Variants in NOS1AP observed in about 807,000 individuals in gnomAD.
The protein encoded by NOS1AP is nitric oxide synthase 1 adaptor protein, also known as carboxyl-terminal PDZ ligand of neuronal nitric oxide synthase protein.
Under a neutral mutation model 56.2 loss-of-function variants are expected in NOS1AP, and 21 were observed. The ratio of observed to expected loss-of-function variants is 0.37; its 90% confidence interval spans 0.26 to 0.54. The LOEUF (loss-of-function observed/expected upper bound fraction) is 0.54. Ranked by LOEUF, NOS1AP falls within the 20% of genes least tolerant of loss-of-function variation. The pLI is 0.84. For missense variants in NOS1AP, 522 were observed against 657.8 expected (o/e 0.79, Z 2.26); for synonymous variants, 270 against 274.6 (o/e 0.98, Z 0.17).
chr1:162,365,626 C>T (rs2101830865), intron 9 of NOS1AP, 57 bp downstream of exon 9: 2 of 1,596,988 alleles, frequency 1.3e-6, no homozygotes, highest in Non-Finnish European at 1.7e-6. Flanking sequence ...GAAAGAGTGT[C>T]ACTTTCCTTA....
At chr1:162,263,003 C>T (rs1488960169) in intron 2 of NOS1AP, among the ~76,000 whole-genome samples, 1 of 152,212 alleles carries the variant, frequency 6.6e-6, no homozygotes, top group South Asian at 2.1e-4. Flanking sequence ...AGTGACCACT[C>T]TCTCCAAACC....
chr1:162,165,084 G>A (rs1201446186), intron 2 of NOS1AP, among the ~76,000 whole-genome samples: 4 of 152,158 alleles, frequency 2.6e-5, no homozygotes, highest in African/African-American at 9.7e-5. Flanking sequence ...CACTTTGGGA[G>A]GCCAAGGCGA....
intron 4 of NOS1AP, among the ~76,000 whole-genome samples, chr1:162,329,222 T>G (rs1344431118): frequency 3.3e-5 from 5 of 152,140 alleles, no homozygotes; most frequent in African/African-American, 1.2e-4. Flanking sequence ...ATACATATTT[T>G]GAAATAAAAG....
chr1:162,216,290 T>C (rs1470318794), intron 2 of NOS1AP, among the ~76,000 whole-genome samples: 1 of 152,226 alleles, frequency 6.6e-6, no homozygotes, highest in East Asian at 1.9e-4. Context: ...AAAACCCTCT[T>C]TCACACAGAT....
rs192694676 is a variant in NOS1AP at position 162,080,200 on chromosome 1, G to A, written c.105+9918G>A. Among the ~76,000 whole-genome samples the A allele has an allele frequency of 1.5e-3, 221 of 152,204 alleles. 3 individuals are homozygous for A. The highest frequency in any genetic ancestry group is 4.3e-3 in the African/African-American group (178 of 41,516). On this transcript the variant is annotated intron_variant, in intron 1 of 9. Transcript: ENST00000361897. ...TATTCAGCATCATGTTTCCTTTTAA[G>A]CACTGGAGCAGTTGGCTTTAAAAGT... is the stretch of plus-strand genomic sequence containing the variant.
chr1:162,366,889 G>C, intron 9 of NOS1AP, 163 bp from the exon 10 acceptor site: 2 of 772,632 alleles, frequency 2.6e-6, no homozygotes, highest in Non-Finnish European at 4.6e-6. Flanking sequence ...CTATGTGGGG[G>C]CGGGAGGAAG....
chr1:162,183,857 G>A (rs1267756334), intron 2 of NOS1AP, among the ~76,000 whole-genome samples: 1 of 152,178 alleles, frequency 6.6e-6, no homozygotes, highest in Non-Finnish European at 1.5e-5. Context: ...TTCCATATCA[G>A]CCATAAGGCT....
intron 1 of NOS1AP, among the ~76,000 whole-genome samples, chr1:162,138,882 C>G (rs1649115680): frequency 6.6e-6 from 1 of 152,152 alleles, no homozygotes; most frequent in African/African-American, 2.4e-5. Flanking sequence ...GGGGTTCACA[C>G]AGGGCCAGGG....
At chr1:162,365,079 C>CACGT in intron 8 of NOS1AP, 1 of 1,314,812 alleles carries the variant, frequency 7.6e-7, no homozygotes, top group Non-Finnish European at 9.8e-7. Context: ...TGTATATGTG[C>CACGT]ACGTGTGTGT....
intron 2 of NOS1AP, among the ~76,000 whole-genome samples, chr1:162,202,067 A>G (rs987833830): frequency 1.3e-5 from 2 of 152,202 alleles, no homozygotes; most frequent in African/African-American, 4.8e-5. Flanking sequence ...ACAGGGTTTT[A>G]AATATCTGAA....
intron 1 of NOS1AP, among the ~76,000 whole-genome samples, chr1:162,136,898 C>T (rs1649026263): frequency 1.3e-5 from 2 of 152,206 alleles, no homozygotes. Flanking sequence ...AGGTGTAATA[C>T]ATCAGGTCAA....
chr1:162,177,580 A>T (rs753029130), intron 2 of NOS1AP, among the ~76,000 whole-genome samples: 2 of 152,126 alleles, frequency 1.3e-5, no homozygotes, highest in Non-Finnish European at 2.9e-5. Flanking sequence ...CTGTAGTTAT[A>T]TACTGAGTTT....
intron 1 of NOS1AP, among the ~76,000 whole-genome samples, chr1:162,074,122 A>G (rs1200821418): frequency 6.6e-6 from 1 of 152,220 alleles, no homozygotes; most frequent in African/African-American, 2.4e-5. Flanking sequence ...TCTTATAGAG[A>G]CAGGCACAGG....
At chr1:162,176,367 T>C (rs1390716252) in intron 2 of NOS1AP, among the ~76,000 whole-genome samples, 1 of 152,154 alleles carries the variant, frequency 6.6e-6, no homozygotes, top group Non-Finnish European at 1.5e-5. Context: ...CTGGTCTATT[T>C]ACTATCCCTA....
At position 162,132,779 on chromosome 1, in the gene NOS1AP, A is replaced by G. The variant is rs139865818; in HGVS notation, c.106-21626A>G. Among the ~76,000 whole-genome samples, 22 of 152,070 alleles carry G rather than the reference A, an allele frequency of 1.4e-4. 1 individual carries two copies. The East Asian group carries it at 4.3e-3, about 29-fold the overall frequency. On this transcript the variant is annotated intron_variant, in intron 1 of 9. Coordinates refer to ENST00000361897, the MANE Select transcript of NOS1AP (RefSeq NM_014697.3). ...CTCCAGCCCTGCAAATCTATGAGTG[A>G]CCCCTCCCAGGTTCCACACTCCTTC...
At chr1:162,266,487 C>T (rs1289845554) in intron 2 of NOS1AP, among the ~76,000 whole-genome samples, 2 of 152,182 alleles carry the variant, frequency 1.3e-5, no homozygotes. Flanking sequence ...AAATTCTTCC[C>T]TTCTTAAATA....
intron 2 of NOS1AP, among the ~76,000 whole-genome samples, chr1:162,168,502 G>A (rs1169398843): frequency 6.6e-6 from 1 of 152,216 alleles, no homozygotes; most frequent in African/African-American, 2.4e-5. Flanking sequence ...TGATAAACAG[G>A]GTCAGGCTGC....
At chr1:162,099,634 T>TA (rs1553255723) in intron 1 of NOS1AP, among the ~76,000 whole-genome samples, 106 of 28,166 alleles carry the variant, frequency 3.8e-3, no homozygotes, top group Non-Finnish European at 8.3e-3. Flanking sequence ...TTCTTTTTTT[T>TA]AAATTTTATT....
At chr1:162,090,188 C>A (rs1692097508) in intron 1 of NOS1AP, among the ~76,000 whole-genome samples, 2 of 151,226 alleles carry the variant, frequency 1.3e-5, no homozygotes, top group South Asian at 4.2e-4. Context: ...TTTATCTATG[C>A]TCTTTGTATG....
Sources: allele counts gnomAD v4.1 joint callset (sites outside exome capture counted in the v4.1 genomes callset), GRCh38; gene constraint gnomAD v4.1.1; transcripts MANE v1.5; gene names NCBI Gene and HGNC (gene_info 2026-07-23, HGNC 2026-07-21).